RIMS1: variants seen among roughly 807,000 people sequenced by gnomAD.
RIMS1 encodes regulating synaptic membrane exocytosis protein 1.
A neutral mutation model predicts 214.1 loss-of-function variants in RIMS1; 83 were observed. The observed-to-expected ratio is 0.39, with a 90% CI of 0.32 to 0.47. The LOEUF (loss-of-function observed/expected upper bound fraction) is 0.47. RIMS1 is among the 20% of genes least tolerant of loss of function. RIMS1 has a pLI of 0.99. For synonymous variants in RIMS1, 793 were observed against 786.8 expected (o/e 1.01, Z -0.13); for missense variants, 2,050 against 2,161.8 (o/e 0.95, Z 1.03).
rs150806382 is a variant in RIMS1, at chr6:72,155,895, T to A, written c.472-23680T>A. 8.8e-3 allele frequency among the ~76,000 whole-genome samples: 1,231 copies of A among 139,970 alleles called. 90 individuals carry two copies. Among genetic ancestry groups the A allele is most frequent in the African/African-American group, 0.029 (1,168 of 40,554 alleles). The allele number at this position is 139,970 out of a possible 152,430, so 91.8% of individuals were successfully genotyped here. ...ATCAGTAGGGGCTCAACATCACTAA[T>A]CATCAGAGAAATGGAAACCACAACC... is the stretch of plus-strand genomic sequence containing the variant. On this transcript the variant is annotated intron_variant, in intron 4 of 33. Transcript: ENST00000521978.
intron 1 of RIMS1, among the ~76,000 whole-genome samples, chr6:71,888,600 C>T (rs1349284271): frequency 3.9e-5 from 6 of 152,214 alleles, no homozygotes; most frequent in African/African-American, 1.4e-4. Context: ...GCTGCATTCA[C>T]AGACCGATGG....
chr6:72,065,545 A>C (rs1371164673), intron 2 of RIMS1, among the ~76,000 whole-genome samples: 5 of 152,150 alleles, frequency 3.3e-5, no homozygotes, highest in African/African-American at 1.2e-4. Flanking sequence ...GACACTTGGA[A>C]TTCTAAGTAC....
chr6:72,378,944 T>C (rs1026008967), intron 29 of RIMS1, among the ~76,000 whole-genome samples: 2 of 152,190 alleles, frequency 1.3e-5, no homozygotes, highest in Admixed American at 6.5e-5. Context: ...TCTTCCCCTC[T>C]AACCCAATAT....
intron 4 of RIMS1, among the ~76,000 whole-genome samples, chr6:72,118,530 A>T (rs571315737): frequency 6.6e-6 from 1 of 151,780 alleles, no homozygotes; most frequent in Non-Finnish European, 1.5e-5. Flanking sequence ...AAGAAAGAAA[A>T]CTATGGACTG....
intron 2 of RIMS1, among the ~76,000 whole-genome samples, chr6:72,080,632 T>C (rs6914326): frequency 0.12 from 18,193 of 152,238 alleles, 1,360 homozygotes; most frequent in South Asian, 0.18. Context: ...ATAACCTGTG[T>C]ACCCTCTTCC....
intron 6 of RIMS1, among the ~76,000 whole-genome samples, chr6:72,223,360 C>T: frequency 6.6e-6 from 1 of 152,022 alleles, no homozygotes; most frequent in East Asian, 1.9e-4. Flanking sequence ...GGGAAAACTG[C>T]ATTTTAATGA....
At chr6:72,103,488 T>C (rs914669214) in intron 4 of RIMS1, among the ~76,000 whole-genome samples, 7 of 152,084 alleles carry the variant, frequency 4.6e-5, no homozygotes, top group Non-Finnish European at 1.0e-4. Flanking sequence ...AAATTATAAT[T>C]TTTCAAATCA....
At chr6:72,048,864 G>C (rs76054013) in intron 2 of RIMS1, among the ~76,000 whole-genome samples, 1,981 of 152,280 alleles carry the variant, frequency 0.013, 52 homozygotes, top group African/African-American at 0.046. Flanking sequence ...CCATGTGTTG[G>C]CTTTTTGCCC....
intron 2 of RIMS1, among the ~76,000 whole-genome samples, chr6:72,086,705 T>C (rs1834745538): frequency 6.6e-6 from 1 of 152,122 alleles, no homozygotes; most frequent in Non-Finnish European, 1.5e-5. Flanking sequence ...TTTAATTTGA[T>C]TGTAGTGTAA....
chr6:71,941,239 A>G (rs1371547283), intron 1 of RIMS1, among the ~76,000 whole-genome samples: 3 of 152,184 alleles, frequency 2.0e-5, no homozygotes, highest in Non-Finnish European at 4.4e-5. Flanking sequence ...GTATAAAAGT[A>G]TTGTACCTAA....
At position 72,161,182 on chromosome 6, in the gene RIMS1, G is replaced by T. The variant is rs571118322; in HGVS notation, c.472-18393G>T. ...TTCTAGTTTATTTGCATAGAGGTGT[G>T]TATAGTATTCTCTGATGGTAGTTTG... is the stretch of plus-strand genomic sequence containing the variant. On this transcript the variant is annotated intron_variant, in intron 4 of 33. Transcript: ENST00000521978. Among the ~76,000 whole-genome samples, 175 of 140,412 alleles carry T rather than the reference G, an allele frequency of 1.2e-3. 7 individuals carry two copies. The highest frequency in any genetic ancestry group is 4.1e-3 in the African/African-American group (168 of 40,662). 92.1% of individuals were successfully genotyped at this position (140,412 alleles called of 152,430 possible). A position where few individuals can be genotyped will look rare whatever the true frequency, so the allele number is the denominator to read the frequency against.
At chr6:72,152,743 A>G (rs564806268) in intron 4 of RIMS1, among the ~76,000 whole-genome samples, 14 of 137,490 alleles carry the variant, frequency 1.0e-4, no homozygotes, top group Non-Finnish European at 1.5e-4. Flanking sequence ...GAATATATGT[A>G]TATATATGTA....
chr6:72,304,400 A>G (rs554915371), intron 26 of RIMS1, among the ~76,000 whole-genome samples: 27 of 151,790 alleles, frequency 1.8e-4, no homozygotes, highest in Admixed American at 2.6e-4. Context: ...ATACTAAGAT[A>G]CTAGAGAGAC....
At chr6:71,953,199 G>A (rs1398595134) in intron 1 of RIMS1, among the ~76,000 whole-genome samples, 1 of 151,988 alleles carries the variant, frequency 6.6e-6, no homozygotes, top group African/African-American at 2.4e-5. Context: ...ATGTTAGCCA[G>A]GCTGGTCTTG....
rs1165178839 is a variant in RIMS1, at chr6:72,319,882, CTGTT to C, written c.4130+6213_4130+6216del. Among the ~76,000 whole-genome samples the C allele has an allele frequency of 1.1e-4, 16 of 152,118 alleles. No individual in the cohort carries two copies. In the East Asian group the frequency reaches 2.3e-3, roughly 22 times the overall value. On this transcript the variant is annotated intron_variant, in intron 28 of 33. Coordinates refer to ENST00000521978, the MANE Select transcript of RIMS1 (RefSeq NM_014989.7). ...TACCTGCCACTCCTACCTTACCAGA[CTGTT>C]TGAGAATAAAATGAAATAGTGTATA...
chr6:71,945,796 C>G (rs1787633543), intron 1 of RIMS1, among the ~76,000 whole-genome samples: 1 of 148,428 alleles, frequency 6.7e-6, no homozygotes, highest in Non-Finnish European at 1.5e-5. Flanking sequence ...GTCGCCCAGG[C>G]TGGAGTGCAG....
Position 72,401,271 on chromosome 6 carries a change from CT to C in RIMS1, c.*559del, listed in dbSNP as rs2098833832. On this transcript the variant is annotated 3_prime_UTR_variant, in exon 34 of 34. Transcript: ENST00000521978. ...AGGCCTCATGATGCTAACAGAGATT[CT>C]TCCCTTCTTTTTTCCAAAAGCACCA... The C allele has an allele frequency of 6.6e-6, 1 of 152,502 alleles. No homozygotes were observed. The highest frequency in any genetic ancestry group is 2.4e-5 in the African/African-American group (1 of 41,346). 9.4% of individuals were successfully genotyped at this position (152,502 alleles called of 1,614,324 possible).
chr6:72,182,884 G>A lies in RIMS1; in HGVS notation c.1413G>A (p.Arg471=). The A allele has an allele frequency of 6.4e-7, 1 of 1,567,716 alleles. No individual in the cohort carries two copies. The highest frequency in any genetic ancestry group is 8.6e-7 in the Non-Finnish European group (1 of 1,158,184). ...APELKAQEPL[R]KQSRLDPSSA... Reference sequence around the variant, plus strand: ...AGCTCAAAGCCCAGGAGCCCCTCAGGAAGCAGAGCCGCCTGGACCCCAGCT... The same window carrying A: ...AGCTCAAAGCCCAGGAGCCCCTCAGAAAGCAGAGCCGCCTGGACCCCAGCT... The change falls in exon 6 of 34, where the codon AGG becomes AGA. Residue 471 remains arginine, a synonymous_variant. Coordinates refer to ENST00000521978, the MANE Select transcript of RIMS1 (RefSeq NM_014989.7).
intron 6 of RIMS1, among the ~76,000 whole-genome samples, chr6:72,196,580 C>CTTCTTTTTTTTTTTTT (rs2050979224): frequency 1.7e-5 from 1 of 57,216 alleles, no homozygotes; most frequent in Non-Finnish European, 3.1e-5. Context: ...GCCAGCTGCA[C>CTTCTTTTTTTTTTTTT]TTTTTTTTTT....
Sources: allele counts gnomAD v4.1 joint callset (sites outside exome capture counted in the v4.1 genomes callset), GRCh38; gene constraint gnomAD v4.1.1; transcripts MANE v1.5; gene names NCBI Gene and HGNC (gene_info 2026-07-23, HGNC 2026-07-21).